CCP110: variants seen among roughly 807,000 people sequenced by gnomAD.
CCP110 encodes centriolar coiled-coil protein 110.
Under a neutral mutation model 105.5 loss-of-function variants are expected in CCP110, and 43 were observed. That is an observed-to-expected ratio of 0.41 (90% CI 0.32 to 0.53). CCP110 has a LOEUF of 0.53. Among genes scored for constraint, CCP110 ranks in the 20% least tolerant of loss-of-function variants. CCP110 has a pLI of 0.32. For missense variants in CCP110, 1,016 were observed against 1,189.1 expected (o/e 0.85, Z 2.14); for synonymous variants, 353 against 392.1 (o/e 0.90, Z 1.18).
intron 1 of CCP110, chr16:19,526,775 C>CGGA (rs1489437847): frequency 6.6e-6 from 1 of 152,010 alleles, no homozygotes; most frequent in Non-Finnish European, 1.5e-5. Flanking sequence ...AGGACATATC[C>CGGA]TATTTCATCT....
intron 3 of CCP110, among the ~76,000 whole-genome samples, chr16:19,533,920 A>AT (rs970072682): frequency 1.3e-5 from 2 of 152,108 alleles, no homozygotes; most frequent in African/African-American, 4.8e-5. Context: ...TTGACATGTG[A>AT]TTTTCCATTT....
At chr16:19,536,069 T>G (rs1217775490) in exon 4 of CCP110, 1 of 1,613,970 alleles carries the variant, frequency 6.2e-7, no homozygotes, top group Admixed American at 1.7e-5. Flanking sequence ...TACGGAACAC[T>G]CTACTGCAGC....
chr16:19,542,105 C>A, intron 6 of CCP110, 41 bp downstream of exon 6: 1 of 1,325,984 alleles, frequency 7.5e-7, no homozygotes, highest in Non-Finnish European at 1.0e-6. Context: ...GAAAGTGATC[C>A]TACGGTAAGA....
At chr16:19,545,023 T>C (rs1321072867) in intron 9 of CCP110, 71 bp from the exon 10 acceptor site, 3 of 989,160 alleles carry the variant, frequency 3.0e-6, no homozygotes, top group Non-Finnish European at 4.7e-6. Context: ...TAAGTGTACA[T>C]GGTATATAGT....
intron 12 of CCP110, chr16:19,547,418 AAAGCTAACTT>A (rs1970500169): frequency 6.5e-6 from 1 of 152,902 alleles, no homozygotes; most frequent in Admixed American, 6.5e-5. Context: ...GTCTCAAAAA[AAAGCTAACTT>A]AAGCTGGGCA....
At chr16:19,532,569 T>A (rs1567350858) in intron 3 of CCP110, 25 bp downstream of exon 3, 1 of 1,552,076 alleles carries the variant, frequency 6.4e-7, no homozygotes, top group East Asian at 2.3e-5. Context: ...CTGTTTCAGT[T>A]ATAATAAAGA....
intron 1 of CCP110, chr16:19,526,697 C>T (rs886633493): frequency 7.3e-5 from 11 of 150,534 alleles, no homozygotes; most frequent in Admixed American, 2.0e-4. Context: ...TTTCCCATTT[C>T]TCATTGCACT....
At chr16:19,531,695 C>T (rs893732715) in intron 2 of CCP110, among the ~76,000 whole-genome samples, 8 of 152,268 alleles carry the variant, frequency 5.3e-5, no homozygotes, top group South Asian at 2.1e-4. Context: ...GGGCCAGGCG[C>T]GGTGGCTCGC....
chr16:19,527,409 A>C (rs1000481197), intron 1 of CCP110, among the ~76,000 whole-genome samples: 1 of 152,050 alleles, frequency 6.6e-6, no homozygotes, highest in African/African-American at 2.4e-5. Context: ...GAACTTCAAA[A>C]TAGAAAATTT....
At chr16:19,532,735 C>G (rs557795701) in intron 3 of CCP110, among the ~76,000 whole-genome samples, 191 bp downstream of exon 3, 1 of 152,240 alleles carries the variant, frequency 6.6e-6, no homozygotes, top group South Asian at 2.1e-4. Flanking sequence ...TAGTAATGCC[C>G]AGTACTTGAA....
chr16:19,529,851 T>C (rs902168056), intron 2 of CCP110, among the ~76,000 whole-genome samples: 1 of 152,236 alleles, frequency 6.6e-6, no homozygotes, highest in East Asian at 1.9e-4. Context: ...TTGCTTGTTA[T>C]GTTTCTTTAT....
intron 5 of CCP110, 140 bp downstream of exon 5, chr16:19,540,927 T>A: frequency 1.9e-6 from 1 of 535,732 alleles, no homozygotes; most frequent in Non-Finnish European, 3.3e-6. Flanking sequence ...ACGTGAATGG[T>A]ATTTTTTGTC....
chr16:19,527,917 T>C (rs1376364061), exon 2 of CCP110: 2 of 1,613,628 alleles, frequency 1.2e-6, no homozygotes, highest in Non-Finnish European at 1.7e-6. Flanking sequence ...AAAAAAGTCT[T>C]GCCAGAATAC....
chr16:19,537,359 A>G, exon 4 of CCP110: 1 of 1,612,328 alleles, frequency 6.2e-7, no homozygotes, highest in African/African-American at 1.3e-5. Context: ...GAGACAGCAG[A>G]TGGACACACC....
At position 19,551,397 on chromosome 16, in the gene CCP110, T is replaced by C. The variant is rs1023073929; in HGVS notation, c.*149T>C. The C allele has an allele frequency of 2.0e-4, 149 of 732,802 alleles. 1 individual carries two copies. The Admixed American group carries it at 3.1e-3, about 15-fold the overall frequency. The allele number at this position is 732,802 out of a possible 1,614,324, so 45.4% of individuals were successfully genotyped here. On this transcript the variant is annotated 3_prime_UTR_variant, in exon 15 of 15. Coordinates refer to ENST00000381396, the Ensembl canonical transcript of CCP110. The stretch of plus-strand genomic sequence containing the variant: ...CACTTATCTGGATCATTTGGTCAGT[T>C]TGGTAATTCCTGCTCCACACCCCTA...
At chr16:19,550,174 CAG>C (rs1393495306) in intron 14 of CCP110, among the ~76,000 whole-genome samples, 7 of 146,434 alleles carry the variant, frequency 4.8e-5, no homozygotes, top group African/African-American at 1.5e-4. Flanking sequence ...TTTTTTGAGA[CAG>C]AGTCTTGTTC....
intron 4 of CCP110, among the ~76,000 whole-genome samples, chr16:19,539,083 G>C (rs1970185681): frequency 6.6e-6 from 1 of 151,016 alleles, no homozygotes; most frequent in Admixed American, 6.6e-5. Flanking sequence ...TTGCACTCCA[G>C]CCTGGGTGAC....
intron 4 of CCP110, among the ~76,000 whole-genome samples, chr16:19,538,622 G>C (rs1170845330): frequency 2.0e-5 from 3 of 151,936 alleles, no homozygotes; most frequent in Non-Finnish European, 4.4e-5. Context: ...AAACAGTCTT[G>C]CCTGAAACAT....
Position 19,528,804 on chromosome 16 carries a change from G to A in CCP110, c.141+782G>A, listed in dbSNP as rs114767613. Among the ~76,000 whole-genome samples, 476 of 152,276 alleles carry A rather than the reference G, an allele frequency of 3.1e-3. 3 individuals are homozygous for A. Among genetic ancestry groups the A allele is most frequent in the African/African-American group, 0.011 (458 of 41,544 alleles). On this transcript the variant is annotated intron_variant, in intron 2 of 14. Coordinates refer to ENST00000381396, the Ensembl canonical transcript of CCP110. The stretch of plus-strand genomic sequence containing the variant: ...GTCCCAGCTCTTCAAAGGCTAAGGC[G>A]GAAGGATCGCTTGAACCTAGGAGTT...
Sources: gnomAD v4.1 joint callset for allele counts (sites outside exome capture counted in the v4.1 genomes callset) on GRCh38, gnomAD v4.1.1 for gene constraint, MANE v1.5 for transcripts, NCBI Gene and HGNC (gene_info 2026-07-23, HGNC 2026-07-21) for gene names.